Variants in BRINP3 observed in about 807,000 individuals in gnomAD.
BRINP3 encodes BMP/retinoic acid inducible neural specific 3, also known as BMP/retinoic acid-inducible neural-specific protein 3.
Under a neutral mutation model 71.0 loss-of-function variants are expected in BRINP3, and 19 were observed. That is an observed-to-expected ratio of 0.27 (90% CI 0.19 to 0.39). The LOEUF is 0.39. Among genes scored for constraint, BRINP3 ranks in the 10% least tolerant of loss-of-function variants. The pLI is 1.00. For missense variants in BRINP3, 959 were observed against 940.8 expected (o/e 1.02, Z -0.25); for synonymous variants, 380 against 337.7 (o/e 1.13, Z -1.37).
At chr1:190,216,150 T>G (rs531385337) in intron 6 of BRINP3, among the ~76,000 whole-genome samples, 1 of 151,880 alleles carries the variant, frequency 6.6e-6, no homozygotes, top group South Asian at 2.1e-4. Context: ...TTTTAATCAT[T>G]AAAATATGCA....
chr1:190,450,301 C>T (rs1163843658), intron 2 of BRINP3, among the ~76,000 whole-genome samples: 1 of 152,158 alleles, frequency 6.6e-6, no homozygotes, highest in African/African-American at 2.4e-5. Context: ...TTTGGGCTTG[C>T]TCATCTGAAG....
At chr1:190,135,799 G>T (rs10494631) in intron 7 of BRINP3, among the ~76,000 whole-genome samples, 21,488 of 151,874 alleles carry the variant, frequency 0.14, 2,590 homozygotes, top group African/African-American at 0.29. Context: ...ATTGCAGGTT[G>T]CCTACAACAT....
At chr1:190,185,427 T>C (rs1653426973) in intron 6 of BRINP3, among the ~76,000 whole-genome samples, 2 of 152,032 alleles carry the variant, frequency 1.3e-5, no homozygotes, top group African/African-American at 4.8e-5. Flanking sequence ...AGGATAGCTA[T>C]TATCAAAAAA....
intron 2 of BRINP3, among the ~76,000 whole-genome samples, chr1:190,387,558 T>C (rs551181842): frequency 3.3e-5 from 5 of 151,964 alleles, no homozygotes; most frequent in African/African-American, 1.2e-4. Flanking sequence ...GACAGGTCTG[T>C]AGTTGGAGCT....
intron 6 of BRINP3, among the ~76,000 whole-genome samples, chr1:190,207,595 C>T (rs541728062): frequency 8.6e-5 from 13 of 151,994 alleles, no homozygotes; most frequent in African/African-American, 2.9e-4. Flanking sequence ...TATGTGCATG[C>T]TATATAGGTG....
chr1:190,394,995 C>A (rs1464714040), intron 2 of BRINP3, among the ~76,000 whole-genome samples: 1 of 151,580 alleles, frequency 6.6e-6, no homozygotes, highest in African/African-American at 2.4e-5. Context: ...CTAAGGAAGT[C>A]TTGTACATTG....
intron 2 of BRINP3, among the ~76,000 whole-genome samples, chr1:190,448,988 T>C (rs2102600780): frequency 6.6e-6 from 1 of 152,100 alleles, no homozygotes; most frequent in East Asian, 1.9e-4. Flanking sequence ...ATTTCCACTC[T>C]CTGCTTAATT....
chr1:190,098,869 G>T lies in BRINP3; in HGVS notation c.1450C>A (p.His484Asn). 6.2e-7 allele frequency: 1 copy of T among 1,614,216 alleles called. No individual in the cohort carries two copies. ...AGGTCAGTTTCAAAGCCAATATAGT[G>T]ATCGGTGGACTCGGCGACTTCAGGC... Reference protein sequence around the residue: ...CKPEVAESTDHYIGFETDLQD... With the variant: ...CKPEVAESTDNYIGFETDLQD... The change falls in exon 8 of 8, where the codon CAC becomes AAC. Residue 484 changes from histidine (H) to asparagine (N), a missense_variant. By Grantham distance (68) the His-to-Asn change is moderately conservative. Coordinates refer to ENST00000367462, the MANE Select transcript of BRINP3 (RefSeq NM_199051.3).
At chr1:190,264,551 T>C (rs933982303) in intron 4 of BRINP3, among the ~76,000 whole-genome samples, 58 of 152,282 alleles carry the variant, frequency 3.8e-4, no homozygotes, top group African/African-American at 1.3e-3. Flanking sequence ...ATTGATGTTA[T>C]TAAAACAAAT....
intron 2 of BRINP3, among the ~76,000 whole-genome samples, chr1:190,347,891 G>A (rs1668126630): frequency 6.6e-6 from 1 of 152,044 alleles, no homozygotes; most frequent in Non-Finnish European, 1.5e-5. Flanking sequence ...ACAGTAGGTG[G>A]CCAAGGAGCT....
chr1:190,198,196 C>A (rs570506637), intron 6 of BRINP3, among the ~76,000 whole-genome samples: 2 of 152,270 alleles, frequency 1.3e-5, no homozygotes, highest in South Asian at 4.1e-4. Flanking sequence ...AGGCCCTGGA[C>A]CCAGCCCAGA....
At chr1:190,469,217 T>C (rs1389736221) in intron 1 of BRINP3, among the ~76,000 whole-genome samples, 1 of 151,078 alleles carries the variant, frequency 6.6e-6, no homozygotes, top group Non-Finnish European at 1.5e-5. Context: ...TTTTGAAACA[T>C]ATAGTCTTCT....
At chr1:190,426,710 T>G (rs1673730624) in intron 2 of BRINP3, among the ~76,000 whole-genome samples, 1 of 151,882 alleles carries the variant, frequency 6.6e-6, no homozygotes, top group African/African-American at 2.4e-5. Context: ...CCAAATAATT[T>G]TGTTTCCTCA....
intron 6 of BRINP3, among the ~76,000 whole-genome samples, chr1:190,189,952 A>G (rs1050263186): frequency 6.6e-6 from 1 of 152,146 alleles, no homozygotes; most frequent in Non-Finnish European, 1.5e-5. Context: ...CATCGCAGTC[A>G]GTGTGGCACT....
intron 7 of BRINP3, among the ~76,000 whole-genome samples, chr1:190,141,846 C>T (rs1173113038): frequency 2.0e-5 from 3 of 151,774 alleles, no homozygotes; most frequent in Non-Finnish European, 2.9e-5. Flanking sequence ...GTGTGAGCCA[C>T]CACGCCTAGC....
chr1:190,104,204 T>C (rs1038805745), intron 7 of BRINP3, among the ~76,000 whole-genome samples: 1 of 151,988 alleles, frequency 6.6e-6, no homozygotes, highest in Admixed American at 6.6e-5. Flanking sequence ...ACAATAACTT[T>C]TATTTGTGAT....
intron 6 of BRINP3, among the ~76,000 whole-genome samples, chr1:190,215,823 G>A (rs868154460): frequency 3.7e-4 from 56 of 151,938 alleles, no homozygotes; most frequent in African/African-American, 1.3e-3. Context: ...TATGTTGACA[G>A]CATACAATAC....
intron 2 of BRINP3, among the ~76,000 whole-genome samples, chr1:190,363,908 G>A (rs905610134): frequency 1.3e-5 from 2 of 152,142 alleles, no homozygotes; most frequent in Non-Finnish European, 2.9e-5. Context: ...AATGCAGGAG[G>A]AGGTACAGAT....
intron 2 of BRINP3, among the ~76,000 whole-genome samples, chr1:190,419,666 AC>A (rs1223140046): frequency 2.0e-5 from 3 of 146,450 alleles, no homozygotes; most frequent in African/African-American, 7.6e-5. Flanking sequence ...TAGTTTTAAA[AC>A]GTTATATTCA....
Sources: allele counts gnomAD v4.1 joint callset (sites outside exome capture counted in the v4.1 genomes callset), GRCh38; gene constraint gnomAD v4.1.1; transcripts MANE v1.5; gene names NCBI Gene and HGNC (gene_info 2026-07-23, HGNC 2026-07-21).